Variants in SYNPO2 observed in about 807,000 individuals in gnomAD.
SYNPO2 encodes synaptopodin 2.
A neutral mutation model predicts 85.0 loss-of-function variants in SYNPO2; 56 were observed. The observed-to-expected ratio is 0.66, with a 90% CI of 0.53 to 0.82. The LOEUF (loss-of-function observed/expected upper bound fraction) is 0.82, where lower values mean the gene tolerates loss of function less well. SYNPO2 is among the 40% of genes least tolerant of loss of function. The pLI is 0.00. For missense variants in SYNPO2, 1,575 were observed against 1,534.2 expected (o/e 1.03, Z -0.44); for synonymous variants, 602 against 591.1 (o/e 1.02, Z -0.27).
At chr4:119,056,065 T>C (rs965848905) in intron 4 of SYNPO2, among the ~76,000 whole-genome samples, 1 of 152,218 alleles carries the variant, frequency 6.6e-6, no homozygotes, top group Non-Finnish European at 1.5e-5. Flanking sequence ...GGAAACAGGA[T>C]GTTTTGATAC....
In SYNPO2 at chr4:119,030,470, C is replaced by T; in HGVS notation, c.1695C>T (p.Pro565=). The T allele has an allele frequency of 6.2e-7, 1 of 1,614,052 alleles. No homozygotes were observed. The highest frequency in any genetic ancestry group is 1.3e-5 in the African/African-American group (1 of 75,012). ...IEVSHGLGHV[P]QQNGFSGTSE... is the part of the protein sequence containing the mutation. The stretch of plus-strand genomic sequence containing the variant: ...TGAGTCATGGTCTTGGCCATGTTCC[C>T]CAACAGAATGGCTTCAGTGGGACAT... Residue 565 remains proline (P), a synonymous_variant, in exon 4 of 5, where the codon CCC becomes CCT. Transcript: ENST00000307142.
chr4:119,030,747 C>T lies in SYNPO2; in HGVS notation c.1972C>T (p.Pro658Ser), dbSNP rs1380463893. ...GCCCCAGCCTGCCCCGTGGTCCCAG[C>T]CAGCCTTTTACGATTCGTCTGAGCG... ...PWPQPAPWSQ[P>S]AFYDSSERIA... The change falls in exon 4 of 5, where the codon CCA becomes TCA. Residue 658 changes from proline (P) to serine (S), a missense_variant. Coordinates refer to ENST00000307142, the MANE Select transcript of SYNPO2 (RefSeq NM_133477.3). 2 of 1,614,098 alleles carry T rather than the reference C, an allele frequency of 1.2e-6. No individual in the cohort carries two copies. Among genetic ancestry groups the T allele is most frequent in the Non-Finnish European group, 1.7e-6 (2 of 1,180,056 alleles).
intron 4 of SYNPO2, chr4:119,032,263 C>A (rs1738306661): frequency 7.1e-7 from 1 of 1,407,054 alleles, no homozygotes; most frequent in Admixed American, 3.0e-5. Context: ...TCTTTGCACA[C>A]TTAAAAAATC....
At position 119,030,040 on chromosome 4, in the gene SYNPO2, A is replaced by G. The variant is rs1578659223; in HGVS notation, c.1265A>G (p.Asp422Gly). Reference protein sequence around the residue: ...YGTGELEREADEEEEGDKEDT... With the variant: ...YGTGELEREAGEEEEGDKEDT... ...ACTGGCGAGCTTGAGCGAGAGGCGG[A>G]CGAGGAGGAAGAAGGTGACAAGGAG... The change falls in exon 4 of 5, where the codon GAC (aspartate) becomes GGC (glycine). Residue 422 changes from aspartate to glycine, a missense_variant. This residue lies in a region of SYNPO2 where 1,508 missense variants were observed against 1,446.8 expected (regional missense o/e 1.04). Coordinates refer to ENST00000307142, the MANE Select transcript of SYNPO2 (RefSeq NM_133477.3). The G allele has an allele frequency of 1.2e-6, 2 of 1,614,146 alleles. No homozygotes were observed. Among genetic ancestry groups the G allele is most frequent in the South Asian group, 1.1e-5 (1 of 91,080 alleles).
intron 1 of SYNPO2, among the ~76,000 whole-genome samples, chr4:118,978,338 A>G (rs1011770033): frequency 2.0e-5 from 3 of 152,206 alleles, no homozygotes; most frequent in African/African-American, 7.2e-5. Context: ...TTAGAATTCT[A>G]GATAATCATT....
intron 4 of SYNPO2, among the ~76,000 whole-genome samples, chr4:119,053,734 C>T (rs183838364): frequency 1.3e-5 from 2 of 152,212 alleles, no homozygotes; most frequent in Non-Finnish European, 2.9e-5. Context: ...AAACTCAGTG[C>T]ATAAGAGAAA....
intron 3 of SYNPO2, 89 bp from the exon 4 acceptor site, chr4:119,029,756 T>C: frequency 2.2e-6 from 3 of 1,359,178 alleles, no homozygotes; most frequent in African/African-American, 2.9e-5. Flanking sequence ...ATATTTATTT[T>C]CCCCCAGGAG....
chr4:119,023,956 G>A (rs78360977), intron 2 of SYNPO2, among the ~76,000 whole-genome samples: 2,224 of 152,260 alleles, frequency 0.015, 47 homozygotes, highest in African/African-American at 0.05. Context: ...AATTAAAAAT[G>A]TTTAAATATT....
intron 1 of SYNPO2, among the ~76,000 whole-genome samples, chr4:118,900,972 T>G (rs1209038011): frequency 6.6e-6 from 1 of 151,998 alleles, no homozygotes; most frequent in Non-Finnish European, 1.5e-5. Context: ...GAAATATAAT[T>G]TGAAAATGCC....
chr4:118,880,004 GCTCC>G (rs1232194091), intron 1 of SYNPO2, among the ~76,000 whole-genome samples: 1 of 152,054 alleles, frequency 6.6e-6, no homozygotes, highest in African/African-American at 2.4e-5. Flanking sequence ...TCTCAACGGT[GCTCC>G]CCTTTCTTTC....
intron 1 of SYNPO2, among the ~76,000 whole-genome samples, chr4:118,894,695 A>G (rs1218866616): frequency 6.6e-6 from 1 of 152,188 alleles, no homozygotes; most frequent in East Asian, 1.9e-4. Context: ...AATACTCAGT[A>G]AAAGTTCAGA....
At chr4:119,056,070 T>C (rs1739195899) in intron 4 of SYNPO2, among the ~76,000 whole-genome samples, 1 of 152,220 alleles carries the variant, frequency 6.6e-6, no homozygotes, top group African/African-American at 2.4e-5. Context: ...CAGGATGTTT[T>C]GATACTTTCA....
chr4:118,894,045 A>G (rs1035621309), intron 1 of SYNPO2, among the ~76,000 whole-genome samples: 1 of 150,382 alleles, frequency 6.6e-6, no homozygotes, highest in Non-Finnish European at 1.5e-5. Flanking sequence ...ATATATGAAT[A>G]TATATTATAT....
chr4:119,011,615 A>G (rs952654309), intron 1 of SYNPO2, among the ~76,000 whole-genome samples: 4 of 152,234 alleles, frequency 2.6e-5, no homozygotes, highest in African/African-American at 9.6e-5. Flanking sequence ...AAAAGAATAA[A>G]TAGAAAGTAA....
At chr4:118,868,293 C>T (rs2389655) in intron 1 of SYNPO2, among the ~76,000 whole-genome samples, 84,190 of 151,924 alleles carry the variant, frequency 0.55, 26,615 homozygotes, top group Admixed American at 0.69. Flanking sequence ...GAATGATATA[C>T]ATAAGAAACA....
In SYNPO2 at chr4:119,058,067, T is replaced by A; in HGVS notation, c.*133T>A. 1 of 917,902 alleles carries A rather than the reference T, an allele frequency of 1.1e-6. No homozygotes were observed. Among genetic ancestry groups the A allele is most frequent in the Admixed American group, 3.7e-5 (1 of 27,186 alleles). The allele number at this position is 917,902 out of a possible 1,614,324, so 56.9% of individuals were successfully genotyped here. A position where few individuals can be genotyped will look rare whatever the true frequency, so the allele number is the denominator to read the frequency against. On this transcript the variant is annotated 3_prime_UTR_variant, in exon 5 of 5. Coordinates refer to ENST00000307142, the MANE Select transcript of SYNPO2 (RefSeq NM_133477.3). Reference sequence around the variant, plus strand: ...TGTTCTCATAAGTCATTTATCTAAGTTTGTGTTTCTGTGTGTGTGTGTGTG... The same window carrying A: ...TGTTCTCATAAGTCATTTATCTAAGATTGTGTTTCTGTGTGTGTGTGTGTG...
At chr4:118,888,215 G>A (rs1185875149), upstream of SYNPO2, among the ~76,000 whole-genome samples, 3 of 152,164 alleles carry the variant, frequency 2.0e-5, no homozygotes, top group East Asian at 5.8e-4. Flanking sequence ...CTATGCAATA[G>A]ATGTAATTAT....
At chr4:118,962,755 T>C (rs1735155778) in intron 1 of SYNPO2, among the ~76,000 whole-genome samples, 1 of 152,200 alleles carries the variant, frequency 6.6e-6, no homozygotes, top group Non-Finnish European at 1.5e-5. Flanking sequence ...CCTGCTTCCA[T>C]GTTTGGAAAT....
At chr4:119,050,090 A>G (rs1199188441) in intron 4 of SYNPO2, among the ~76,000 whole-genome samples, 1 of 152,064 alleles carries the variant, frequency 6.6e-6, no homozygotes, top group African/African-American at 2.4e-5. Flanking sequence ...CCAGCACTTT[A>G]GGAGGTTGAG....
Sources: gnomAD v4.1 joint callset for allele counts (sites outside exome capture counted in the v4.1 genomes callset) on GRCh38, gnomAD v4.1.1 for gene constraint, gnomAD v4.1.1 regional missense constraint, MANE v1.5 for transcripts, NCBI Gene and HGNC (gene_info 2026-07-23, HGNC 2026-07-21) for gene names.